Variants in USP24 observed in about 807,000 individuals in gnomAD.
The protein encoded by USP24 is ubiquitin carboxyl-terminal hydrolase 24.
In USP24, 97 loss-of-function variants were observed where a neutral mutation model predicts 361.6. The observed-to-expected ratio is 0.27, with a 90% CI of 0.23 to 0.32. USP24 has a LOEUF of 0.32. Ranked by LOEUF, USP24 falls within the 10% of genes least tolerant of loss-of-function variation. The pLI is 1.00. For synonymous variants in USP24, 1,098 were observed against 1,124.6 expected, an observed-to-expected ratio of 0.98 and a Z score of 0.47; for missense variants, 2,353 against 3,165.6, an observed-to-expected ratio of 0.74 and a Z score of 6.16.
chr1:55,205,961 T>C (rs1644692578), intron 1 of USP24, among the ~76,000 whole-genome samples: 1 of 152,300 alleles, frequency 6.6e-6, no homozygotes, highest in African/African-American at 2.4e-5. Flanking sequence ...ATTTTAGATC[T>C]AGTCTAAGAT....
chr1:55,105,592 CTCT>C (rs948306107), intron 41 of USP24, among the ~76,000 whole-genome samples: 17 of 152,164 alleles, frequency 1.1e-4, no homozygotes, highest in Admixed American at 2.6e-4. Context: ...GTAGCTCTGC[CTCT>C]TCTTCCTACC....
Position 55,098,568 on chromosome 1 carries a change from T to C in USP24, c.5371-10A>G, listed in dbSNP as rs760392483. The stretch of plus-strand genomic sequence containing the variant: ...GGTCTCTCCCCATTTTCTGTTGGAA[T>C]GAAAAGTTACAGTTTTAAGTGATGC... On this transcript the variant is annotated splice_polypyrimidine_tract_variant and intron_variant, in intron 45 of 67. Coordinates refer to ENST00000294383, the MANE Select transcript of USP24 (RefSeq NM_015306.3). 6.9e-6 allele frequency: 11 copies of C among 1,599,796 alleles called. No individual in the cohort carries two copies. The East Asian group carries it at 2.2e-4, about 32-fold the overall frequency.
At position 55,107,189 on chromosome 1, in the gene USP24, T is replaced by A. The variant is rs1645798911; in HGVS notation, c.4762+50A>T. 3 of 1,567,360 alleles carry A rather than the reference T, an allele frequency of 1.9e-6. No individual in the cohort carries two copies. In the South Asian group the frequency reaches 3.7e-5, roughly 19 times the overall value. Reference sequence around the variant, plus strand: ...TCCCACTTACACACAGTACTGGCAATAACCGAGCACTGAAGAATCTGCCAT... The same window carrying A: ...TCCCACTTACACACAGTACTGGCAAAAACCGAGCACTGAAGAATCTGCCAT... On this transcript the variant is annotated intron_variant, in intron 40 of 67. Coordinates refer to ENST00000294383, the MANE Select transcript of USP24 (RefSeq NM_015306.3).
chr1:55,151,834 G>T, intron 16 of USP24: 1 of 928,160 alleles, frequency 1.1e-6, no homozygotes, highest in Non-Finnish European at 1.3e-6. Context: ...ATCAAAAGCA[G>T]AGGGAAGGGT....
chr1:55,143,186 A>G, intron 21 of USP24, 67 bp from the exon 22 acceptor site: 1 of 1,250,626 alleles, frequency 8.0e-7, no homozygotes, highest in Non-Finnish European at 1.1e-6. Flanking sequence ...AATCACAGAT[A>G]ATTATTTTGT....
chr1:55,100,984 A>T lies in USP24; in HGVS notation c.5146-20T>A, dbSNP rs541362298. 2 of 1,604,310 alleles carry T rather than the reference A, an allele frequency of 1.2e-6. No homozygotes were observed. Among genetic ancestry groups the T allele is most frequent in the Non-Finnish European group, 1.7e-6 (2 of 1,177,134 alleles). ...TAATGACTGCACAGAAAAGAAACATATCAAGCTTGAAATATTTAAAATGCT... is the reference window on the plus strand; with the variant it reads ...TAATGACTGCACAGAAAAGAAACATTTCAAGCTTGAAATATTTAAAATGCT... On this transcript the variant is annotated intron_variant, in intron 43 of 67. Coordinates refer to ENST00000294383, the MANE Select transcript of USP24 (RefSeq NM_015306.3).
At chr1:55,100,334 T>G (rs1407320948) in intron 44 of USP24, among the ~76,000 whole-genome samples, 1 of 151,966 alleles carries the variant, frequency 6.6e-6, no homozygotes, top group Non-Finnish European at 1.5e-5. Flanking sequence ...CCATCTCTAC[T>G]GAAAACACAA....
chr1:55,163,433 T>C (rs1040370442), intron 7 of USP24, among the ~76,000 whole-genome samples: 1 of 151,762 alleles, frequency 6.6e-6, no homozygotes, highest in Non-Finnish European at 1.5e-5. Flanking sequence ...ACAAAACACG[T>C]CACCCAAAGA....
intron 1 of USP24, among the ~76,000 whole-genome samples, chr1:55,200,107 G>A (rs748365120): frequency 2.0e-5 from 3 of 152,384 alleles, no homozygotes; most frequent in African/African-American, 4.8e-5. Context: ...ACACGTGGAC[G>A]TGGGAATTAT....
intron 24 of USP24, 146 bp downstream of exon 24, chr1:55,141,470 C>G: frequency 2.8e-6 from 2 of 721,838 alleles, no homozygotes; most frequent in South Asian, 3.7e-5. Flanking sequence ...TGATGGGGAA[C>G]ATGTAATTCT....
At chr1:55,211,204 G>A (rs1197732857) in intron 1 of USP24, among the ~76,000 whole-genome samples, 1 of 152,162 alleles carries the variant, frequency 6.6e-6, no homozygotes, top group African/African-American at 2.4e-5. Context: ...TCTGACAGGG[G>A]GGTGGTTAAA....
Position 55,156,993 on chromosome 1 carries a change from A to G in USP24, c.1401T>C (p.Gly467=). ...DRIKGIIELL[G]SKLSLDELTK... ...TGAGTTCATCTAACGACAATTTACTACCCAAGAGTTCAATAATTCCCTTTA... is the reference window on the plus strand; with the variant it reads ...TGAGTTCATCTAACGACAATTTACTGCCCAAGAGTTCAATAATTCCCTTTA... The change falls in exon 12 of 68, where the codon GGT becomes GGC. Residue 467 remains glycine, a synonymous_variant. Coordinates refer to ENST00000294383, the MANE Select transcript of USP24 (RefSeq NM_015306.3). 6.2e-7 allele frequency: 1 copy of G among 1,613,200 alleles called. No homozygotes were observed. Among genetic ancestry groups the G allele is most frequent in the Non-Finnish European group, 8.5e-7 (1 of 1,179,412 alleles).
At chr1:55,179,464 T>C (rs1349612696) in intron 1 of USP24, among the ~76,000 whole-genome samples, 2 of 152,178 alleles carry the variant, frequency 1.3e-5, no homozygotes, top group African/African-American at 2.4e-5. Flanking sequence ...AGCTTAGACT[T>C]CTCCTCTGAG....
At chr1:55,146,360 C>T (rs1212799724) in intron 19 of USP24, among the ~76,000 whole-genome samples, 4 of 152,182 alleles carry the variant, frequency 2.6e-5, no homozygotes, top group Non-Finnish European at 5.9e-5. Context: ...TCAACATTTA[C>T]TGCCTGCTTA....
In USP24 at chr1:55,081,314, A is replaced by G; in HGVS notation, c.7078+8T>C. The G allele has an allele frequency of 6.2e-7, 1 of 1,612,638 alleles. No homozygotes were observed. The highest frequency in any genetic ancestry group is 8.5e-7 in the Non-Finnish European group (1 of 1,178,798). On this transcript the variant is annotated splice_region_variant and intron_variant, in intron 59 of 67. Coordinates refer to ENST00000294383, the MANE Select transcript of USP24 (RefSeq NM_015306.3). ...GTATCTCTTCATTCTAAGATATGTT[A>G]AGCTTACCAACATTCCTTTGGGATG...
intron 38 of USP24, among the ~76,000 whole-genome samples, chr1:55,120,047 T>C (rs1480369180): frequency 6.6e-6 from 1 of 152,170 alleles, no homozygotes; most frequent in Non-Finnish European, 1.5e-5. Context: ...TTGAGGTCAA[T>C]GTGAGACCCC....
intron 44 of USP24, 26 bp from the exon 45 acceptor site, chr1:55,099,895 T>C: frequency 1.3e-6 from 2 of 1,514,856 alleles, no homozygotes; most frequent in Non-Finnish European, 8.9e-7. Context: ...TAAATGTTTT[T>C]AAAGGAAAAG....
At chr1:55,175,138 C>T (rs1258837659) in intron 3 of USP24, among the ~76,000 whole-genome samples, 1 of 150,064 alleles carries the variant, frequency 6.7e-6, no homozygotes, top group East Asian at 1.9e-4. Flanking sequence ...TTTTTTAAGG[C>T]TTGAATCAAG....
chr1:55,080,949 C>T lies in USP24; in HGVS notation c.7078+373G>A, dbSNP rs548084065. Among the ~76,000 whole-genome samples the T allele has an allele frequency of 7.2e-5, 11 of 152,236 alleles. No homozygotes were observed. In the East Asian group the frequency reaches 9.7e-4, roughly 13 times the overall value. Reference sequence around the variant, plus strand: ...ATGTTTTGAGTATTTTCATTTTGCACTGAAGATCAGAACGGTCAGGTTCAC... The same window carrying T: ...ATGTTTTGAGTATTTTCATTTTGCATTGAAGATCAGAACGGTCAGGTTCAC... On this transcript the variant is annotated intron_variant, in intron 59 of 67. Transcript: ENST00000294383.
Sources: gnomAD v4.1 joint callset for allele counts (sites outside exome capture counted in the v4.1 genomes callset) on GRCh38, gnomAD v4.1.1 for gene constraint, MANE v1.5 for transcripts, NCBI Gene and HGNC (gene_info 2026-07-23, HGNC 2026-07-21) for gene names.